ADK: variants seen among roughly 807,000 people sequenced by gnomAD.
The protein encoded by ADK is adenosine kinase.
ADK carries 24 observed loss-of-function variants against 44.7 expected under a neutral mutation model. The ratio of observed to expected loss-of-function variants is 0.54; its 90% CI spans 0.39 to 0.76. ADK has a LOEUF of 0.76. Ranked by LOEUF, ADK falls within the 30% of genes least tolerant of loss-of-function variation. The probability of loss-of-function intolerance (pLI) is 0.00; values close to 1 mark genes in which losing one functional copy is unlikely to be tolerated. For missense variants in ADK, 321 were observed against 425.1 expected, an observed-to-expected ratio of 0.76 and a Z score of 2.15; for synonymous variants, 128 against 142.6, an observed-to-expected ratio of 0.90 and a Z score of 0.73.
intron 3 of ADK, among the ~76,000 whole-genome samples, chr10:74,302,830 C>G (rs1379000181): frequency 7.0e-6 from 1 of 143,476 alleles, no homozygotes. Flanking sequence ...CCACATTTTA[C>G]TGAGTCTAGT....
intron 6 of ADK, among the ~76,000 whole-genome samples, chr10:74,513,329 G>T (rs138859458): frequency 6.6e-6 from 1 of 152,192 alleles, no homozygotes; most frequent in African/African-American, 2.4e-5. Flanking sequence ...TACATAATCT[G>T]CCCAGTGTTG....
At chr10:74,305,477 AC>A (rs1375227577) in intron 3 of ADK, among the ~76,000 whole-genome samples, 1 of 151,070 alleles carries the variant, frequency 6.6e-6, no homozygotes, top group Non-Finnish European at 1.5e-5. Flanking sequence ...TTCCTCCCTT[AC>A]CCCCACAGCT....
chr10:74,509,015 T>G (rs1848192234), intron 6 of ADK, among the ~76,000 whole-genome samples: 1 of 152,194 alleles, frequency 6.6e-6, no homozygotes, highest in Non-Finnish European at 1.5e-5. Flanking sequence ...AATGCAGTAG[T>G]TATTCACAGG....
At chr10:74,588,635 G>T (rs1851610248) in intron 7 of ADK, among the ~76,000 whole-genome samples, 1 of 152,194 alleles carries the variant, frequency 6.6e-6, no homozygotes, top group South Asian at 2.1e-4. Flanking sequence ...AGAAGGCAAA[G>T]AATATTTGGT....
intron 9 of ADK, among the ~76,000 whole-genome samples, chr10:74,630,235 A>G (rs1014622598): frequency 2.0e-5 from 3 of 152,138 alleles, no homozygotes; most frequent in African/African-American, 7.2e-5. Flanking sequence ...TGTCAAATAA[A>G]TAAATAAAAT....
At chr10:74,467,658 G>A (rs904128630) in intron 6 of ADK, among the ~76,000 whole-genome samples, 3 of 151,778 alleles carry the variant, frequency 2.0e-5, no homozygotes, top group Admixed American at 1.3e-4. Context: ...AATCTATTCA[G>A]TTTATCTCTA....
intron 3 of ADK, among the ~76,000 whole-genome samples, chr10:74,253,230 C>G (rs1251233925): frequency 6.6e-6 from 1 of 152,222 alleles, no homozygotes; most frequent in Non-Finnish European, 1.5e-5. Flanking sequence ...TCCTGCAGAG[C>G]AGGGCTACCC....
intron 6 of ADK, among the ~76,000 whole-genome samples, chr10:74,489,319 C>T (rs1305370666): frequency 1.3e-5 from 2 of 151,820 alleles, no homozygotes; most frequent in African/African-American, 2.4e-5. Flanking sequence ...CAAAATAATA[C>T]TATCTAGAGA....
chr10:74,292,224 A>G (rs536986768), intron 3 of ADK, among the ~76,000 whole-genome samples: 2 of 152,304 alleles, frequency 1.3e-5, no homozygotes, highest in South Asian at 2.1e-4. Context: ...CAAAGATCAT[A>G]TGGAATATAC....
chr10:74,173,492 G>A (rs1842229594), intron 1 of ADK, among the ~76,000 whole-genome samples: 1 of 150,964 alleles, frequency 6.6e-6, no homozygotes, highest in Non-Finnish European at 1.5e-5. Flanking sequence ...GTGCAGTGGA[G>A]CAATCTCAGC....
intron 7 of ADK, among the ~76,000 whole-genome samples, chr10:74,531,559 G>C (rs1849292690): frequency 6.6e-6 from 1 of 151,940 alleles, no homozygotes; most frequent in South Asian, 2.1e-4. Context: ...TTTGAGACAA[G>C]GTCTCACTCT....
intron 9 of ADK, 136 bp from the exon 10 acceptor site, chr10:74,670,047 C>T: frequency 1.3e-6 from 1 of 746,406 alleles, no homozygotes; most frequent in South Asian, 1.5e-5. Flanking sequence ...CCAAGTGCCC[C>T]TGTACAGAAT....
At chr10:74,226,633 T>G (rs2132251543) in intron 3 of ADK, among the ~76,000 whole-genome samples, 1 of 152,314 alleles carries the variant, frequency 6.6e-6, no homozygotes, top group South Asian at 2.1e-4. Context: ...TAGAGTTTTA[T>G]ATTTCAAAGT....
intron 7 of ADK, among the ~76,000 whole-genome samples, chr10:74,535,418 A>G (rs888050314): frequency 6.6e-6 from 1 of 152,118 alleles, no homozygotes; most frequent in Non-Finnish European, 1.5e-5. Context: ...AGCTACGATC[A>G]TGCAACTGCA....
chr10:74,595,416 CG>C (rs199782307), intron 8 of ADK, among the ~76,000 whole-genome samples: 116,528 of 116,530 alleles, frequency 1, 58,263 homozygotes, highest in Middle Eastern at 1. Flanking sequence ...GGCTTTGTCA[CG>C]CCAGGCTGGA....
At chr10:74,430,733 T>C (rs1049859883) in intron 6 of ADK, among the ~76,000 whole-genome samples, 5 of 151,958 alleles carry the variant, frequency 3.3e-5, no homozygotes, top group African/African-American at 1.2e-4. Flanking sequence ...GATGGTTAAG[T>C]TGACATTCAG....
chr10:74,545,131 G>A (rs1161194136), intron 7 of ADK, among the ~76,000 whole-genome samples: 1 of 151,890 alleles, frequency 6.6e-6, no homozygotes, highest in Non-Finnish European at 1.5e-5. Flanking sequence ...GTATTCTCTT[G>A]GAGATTTAAT....
chr10:74,381,196 T>C (rs966687855), intron 4 of ADK, among the ~76,000 whole-genome samples: 3 of 152,248 alleles, frequency 2.0e-5, no homozygotes, highest in Admixed American at 2.0e-4. Context: ...TCTAATTGTT[T>C]ATTATAACTT....
intron 6 of ADK, among the ~76,000 whole-genome samples, chr10:74,424,748 AGATCTATCTTCC>A (rs1419032378): frequency 6.6e-6 from 1 of 151,932 alleles, no homozygotes; most frequent in Non-Finnish European, 1.5e-5. Context: ...TAATTTCTTC[AGATCTATCTTCC>A]GATATTGGTA....
Sources: gnomAD v4.1 joint callset for allele counts (sites outside exome capture counted in the v4.1 genomes callset) on GRCh38, gnomAD v4.1.1 for gene constraint, MANE v1.5 for transcripts, NCBI Gene and HGNC (gene_info 2026-07-23, HGNC 2026-07-21) for gene names.